Variants in SGCZ observed in about 807,000 individuals in gnomAD.
The protein encoded by SGCZ is zeta-sarcoglycan.
SGCZ carries 40 observed loss-of-function variants against 41.3 expected under a neutral mutation model. The observed-to-expected ratio is 0.97, with a 90% CI of 0.75 to 1.26. The LOEUF is 1.26. Among genes scored for constraint, SGCZ ranks in the 50% most tolerant of loss-of-function variants. The pLI, the probability that SGCZ is intolerant of heterozygous loss-of-function variation, is 0.00. For synonymous variants in SGCZ, 206 were observed against 137.5 expected, an observed-to-expected ratio of 1.50 and a Z score of -3.49; for missense variants, 552 against 369.8, an observed-to-expected ratio of 1.49 and a Z score of -4.04.
At chr8:14,469,063 CA>C (rs552898576) in intron 2 of SGCZ, among the ~76,000 whole-genome samples, 5 of 152,068 alleles carry the variant, frequency 3.3e-5, no homozygotes, top group Admixed American at 6.6e-5. Context: ...ATGCCACAAC[CA>C]AAATGGATTA....
intron 2 of SGCZ, among the ~76,000 whole-genome samples, chr8:14,356,062 G>A (rs1253975184): frequency 6.6e-6 from 1 of 152,106 alleles, no homozygotes; most frequent in Non-Finnish European, 1.5e-5. Context: ...GCTTGGGCAG[G>A]GGCAGTGAGA....
intron 5 of SGCZ, among the ~76,000 whole-genome samples, chr8:14,122,076 A>T (rs543482302): frequency 1.3e-5 from 2 of 152,274 alleles, no homozygotes; most frequent in African/African-American, 4.8e-5. Context: ...CAGGAGATCG[A>T]GACCATCCTG....
rs538273332 is a variant in SGCZ, at chr8:14,814,423, A to G, written c.40-259497T>C. On this transcript the variant is annotated intron_variant, in intron 1 of 7. Coordinates refer to ENST00000382080, the MANE Select transcript of SGCZ (RefSeq NM_139167.4). ...CATCCCCACTTGCACAGAACTAGGA[A>G]GGCAGGGCCAATAGCACTTTCCAGT... Among the ~76,000 whole-genome samples the G allele has an allele frequency of 2.2e-4, 34 of 152,274 alleles. No individual in the cohort carries two copies. In the South Asian group the frequency reaches 6.6e-3, roughly 30 times the overall value.
At chr8:14,942,955 C>T (rs1800325212) in intron 1 of SGCZ, among the ~76,000 whole-genome samples, 1 of 152,066 alleles carries the variant, frequency 6.6e-6, no homozygotes, top group Non-Finnish European at 1.5e-5. Flanking sequence ...ACATATGCAC[C>T]ATTATTTTTA....
chr8:14,403,577 A>AT (rs1351966023), intron 2 of SGCZ, among the ~76,000 whole-genome samples: 1 of 152,084 alleles, frequency 6.6e-6, no homozygotes, highest in Non-Finnish European at 1.5e-5. Flanking sequence ...CTCTGTTTAT[A>AT]TGCTGGATTA....
intron 2 of SGCZ, among the ~76,000 whole-genome samples, chr8:14,432,998 A>T (rs1383503671): frequency 1.3e-5 from 2 of 151,960 alleles, no homozygotes; most frequent in Admixed American, 1.3e-4. Context: ...GAAACAAAAC[A>T]AAACTAAAGA....
intron 2 of SGCZ, among the ~76,000 whole-genome samples, chr8:14,448,631 T>C (rs1800502650): frequency 6.6e-6 from 1 of 152,310 alleles, no homozygotes; most frequent in Non-Finnish European, 1.5e-5. Flanking sequence ...ATAAATACAA[T>C]CATAACCAAA....
intron 4 of SGCZ, among the ~76,000 whole-genome samples, chr8:14,184,504 T>A (rs1272058596): frequency 1.3e-5 from 2 of 152,180 alleles, no homozygotes; most frequent in African/African-American, 2.4e-5. Flanking sequence ...GAATAAGATA[T>A]AAAGTTTCTG....
intron 2 of SGCZ, among the ~76,000 whole-genome samples, chr8:14,449,459 T>C (rs1024182324): frequency 6.6e-6 from 1 of 152,180 alleles, no homozygotes; most frequent in Non-Finnish European, 1.5e-5. Context: ...AGTTTGTACT[T>C]CTATCATGCC....
chr8:14,232,730 G>C (rs895439754), intron 4 of SGCZ, among the ~76,000 whole-genome samples: 1 of 151,974 alleles, frequency 6.6e-6, no homozygotes, highest in African/African-American at 2.4e-5. Flanking sequence ...GAATATCAAA[G>C]ACAAGTAAAT....
At chr8:14,451,807 C>G (rs1015462916) in intron 2 of SGCZ, among the ~76,000 whole-genome samples, 1 of 152,124 alleles carries the variant, frequency 6.6e-6, no homozygotes, top group Non-Finnish European at 1.5e-5. Flanking sequence ...TTAGAATGGC[C>G]AAAGTCCAGA....
intron 4 of SGCZ, among the ~76,000 whole-genome samples, chr8:14,199,095 C>T (rs191317084): frequency 9.8e-5 from 15 of 152,302 alleles, no homozygotes; most frequent in South Asian, 4.1e-4. Context: ...ACTCTGGCTG[C>T]CTGTGGGCCA....
intron 2 of SGCZ, among the ~76,000 whole-genome samples, chr8:14,348,339 G>A (rs1049563363): frequency 1.3e-5 from 2 of 152,130 alleles, no homozygotes; most frequent in Admixed American, 6.6e-5. Flanking sequence ...TGGAATAAAA[G>A]TTACCTTCCT....
At chr8:14,898,408 G>A (rs946460022) in intron 1 of SGCZ, among the ~76,000 whole-genome samples, 47 of 152,342 alleles carry the variant, frequency 3.1e-4, no homozygotes, top group African/African-American at 6.7e-4. Context: ...TGGGAAATGC[G>A]TTGTAAGGCG....
chr8:15,022,718 T>C (rs905504760), intron 1 of SGCZ, among the ~76,000 whole-genome samples: 3 of 152,184 alleles, frequency 2.0e-5, no homozygotes, highest in African/African-American at 7.2e-5. Flanking sequence ...TGCAATTCTA[T>C]AGAGACAAAA....
At chr8:14,585,181 T>G (rs1805018444) in intron 1 of SGCZ, among the ~76,000 whole-genome samples, 1 of 152,108 alleles carries the variant, frequency 6.6e-6, no homozygotes, top group Admixed American at 6.5e-5. Context: ...TCAGTAAAAT[T>G]TAGCTTCGGC....
chr8:14,350,468 G>A (rs2117102694), intron 2 of SGCZ, among the ~76,000 whole-genome samples: 1 of 152,230 alleles, frequency 6.6e-6, no homozygotes, highest in South Asian at 2.1e-4. Flanking sequence ...CATGCTATCA[G>A]GAGTGTTAGG....
intron 1 of SGCZ, among the ~76,000 whole-genome samples, chr8:14,810,690 C>T (rs1327199364): frequency 6.6e-6 from 1 of 151,966 alleles, no homozygotes; most frequent in African/African-American, 2.4e-5. Flanking sequence ...TATTTTTCAA[C>T]TTCTGGTTCA....
chr8:14,110,247 G>T (rs1802331914), intron 5 of SGCZ, among the ~76,000 whole-genome samples: 1 of 152,022 alleles, frequency 6.6e-6, no homozygotes, highest in Non-Finnish European at 1.5e-5. Flanking sequence ...AATAAGATAT[G>T]CATCCCAGAA....
Sources: allele counts gnomAD v4.1 joint callset (sites outside exome capture counted in the v4.1 genomes callset), GRCh38; gene constraint gnomAD v4.1.1; transcripts MANE v1.5; gene names NCBI Gene and HGNC (gene_info 2026-07-23, HGNC 2026-07-21).